The following PDE8A variants were observed in gnomAD, a reference collection of about 807,000 sequenced individuals.
PDE8A encodes phosphodiesterase 8A.
PDE8A carries 59 observed loss-of-function variants against 105.0 expected under a neutral mutation model. The ratio of observed to expected loss-of-function variants is 0.56; its 90% CI spans 0.46 to 0.70. The LOEUF is 0.70. Ranked by LOEUF, PDE8A falls within the 30% of genes least tolerant of loss-of-function variation. The probability of loss-of-function intolerance (pLI) is 0.00; values close to 1 mark genes in which losing one functional copy is unlikely to be tolerated. For synonymous variants in PDE8A, 355 were observed against 371.9 expected (o/e 0.95, Z 0.52); for missense variants, 1,014 against 1,045.9 (o/e 0.97, Z 0.42).
chr15:85,031,636 A>G (rs2080616947), intron 1 of PDE8A, among the ~76,000 whole-genome samples: 1 of 152,158 alleles, frequency 6.6e-6, no homozygotes. Context: ...TGTGACTGAC[A>G]AGTAGATTAA....
At chr15:85,000,555 G>A (rs1439913199) in intron 1 of PDE8A, among the ~76,000 whole-genome samples, 3 of 152,206 alleles carry the variant, frequency 2.0e-5, no homozygotes. Context: ...TAGGCTGGCT[G>A]GAGGTGGTCT....
intron 1 of PDE8A, among the ~76,000 whole-genome samples, chr15:84,988,951 C>T (rs960355967): frequency 6.6e-6 from 1 of 152,352 alleles, no homozygotes; most frequent in African/African-American, 2.4e-5. Context: ...GAGTCTATCT[C>T]ACCTTGTTTA....
chr15:85,059,153 G>A (rs1481706897), intron 1 of PDE8A, among the ~76,000 whole-genome samples: 1 of 152,102 alleles, frequency 6.6e-6, no homozygotes, highest in Non-Finnish European at 1.5e-5. Context: ...AGTTAAGATT[G>A]TGTTGTTTAA....
chr15:85,134,967 A>T (rs1438771883), intron 20 of PDE8A, among the ~76,000 whole-genome samples: 1 of 152,192 alleles, frequency 6.6e-6, no homozygotes, highest in Non-Finnish European at 1.5e-5. Flanking sequence ...AGCTCCACGC[A>T]AGTGCCGGAG....
chr15:85,034,285 C>G (rs1178560742), intron 1 of PDE8A, among the ~76,000 whole-genome samples: 1 of 151,962 alleles, frequency 6.6e-6, no homozygotes, highest in Non-Finnish European at 1.5e-5. Flanking sequence ...TGTTAGAAAT[C>G]AAGAAAGAAT....
At chr15:85,085,162 T>A (rs1204176559) in intron 6 of PDE8A, among the ~76,000 whole-genome samples, 1 of 152,212 alleles carries the variant, frequency 6.6e-6, no homozygotes, top group African/African-American at 2.4e-5. Flanking sequence ...AGGGTCTCCA[T>A]GGTCTGTACA....
intron 8 of PDE8A, among the ~76,000 whole-genome samples, chr15:85,097,365 G>A (rs2081773297): frequency 6.6e-6 from 1 of 152,184 alleles, no homozygotes; most frequent in African/African-American, 2.4e-5. Flanking sequence ...TGTCTGATCA[G>A]GAGAGCACAG....
intron 21 of PDE8A, 54 bp downstream of exon 21, chr15:85,136,717 G>A (rs1001816592): frequency 4.5e-5 from 70 of 1,539,072 alleles, no homozygotes; most frequent in African/African-American, 1.1e-4. Context: ...GGGGAACCGC[G>A]TATGAAAGAG....
intron 1 of PDE8A, among the ~76,000 whole-genome samples, chr15:84,985,662 G>T (rs189652213): frequency 1.2e-4 from 19 of 152,318 alleles, no homozygotes; most frequent in Admixed American, 7.8e-4. Context: ...AGTCATGTTT[G>T]TTTTGTTCAC....
At chr15:85,129,696 C>A (rs1291503035) in intron 20 of PDE8A, among the ~76,000 whole-genome samples, 3 of 151,892 alleles carry the variant, frequency 2.0e-5, no homozygotes, top group African/African-American at 7.3e-5. Context: ...TCTCTATATA[C>A]CTCTGTTCTT....
intron 1 of PDE8A, among the ~76,000 whole-genome samples, chr15:84,993,259 C>T (rs4843014): frequency 0.21 from 32,475 of 151,170 alleles, 3,693 homozygotes; most frequent in African/African-American, 0.26. Flanking sequence ...CTGGCTAACA[C>T]GGTGAAACCC....
chr15:85,122,365 A>T (rs923990980), intron 18 of PDE8A, among the ~76,000 whole-genome samples: 4 of 152,232 alleles, frequency 2.6e-5, no homozygotes, highest in African/African-American at 9.6e-5. Context: ...AATACTTATT[A>T]ATATGGATTT....
At chr15:85,102,350 T>G (rs1022550760) in intron 11 of PDE8A, among the ~76,000 whole-genome samples, 4 of 152,170 alleles carry the variant, frequency 2.6e-5, no homozygotes, top group African/African-American at 9.6e-5. Context: ...AACTTGTGCT[T>G]TGCATTCAAG....
intron 3 of PDE8A, among the ~76,000 whole-genome samples, chr15:85,071,514 C>G (rs1298044694): frequency 6.6e-6 from 1 of 152,248 alleles, no homozygotes; most frequent in African/African-American, 2.4e-5. Context: ...TCTCCACATA[C>G]TGCAGTTTCA....
chr15:85,136,513 A>G (rs766033535), intron 20 of PDE8A, 21 bp from the exon 21 acceptor site: 2 of 1,607,400 alleles, frequency 1.2e-6, no homozygotes, highest in South Asian at 1.1e-5. Context: ...GGGTCTCCTG[A>G]TCACATTTTC....
At chr15:85,067,787 A>T (rs1250246288) in intron 3 of PDE8A, among the ~76,000 whole-genome samples, 11 of 152,200 alleles carry the variant, frequency 7.2e-5, no homozygotes, top group South Asian at 2.1e-4. Context: ...ATGGGTTAAA[A>T]ACCGAGGTGA....
chr15:85,063,396 A>G (rs1048341642), intron 1 of PDE8A: 1 of 152,168 alleles, frequency 6.6e-6, no homozygotes, highest in South Asian at 2.1e-4. Flanking sequence ...ATCAACACCT[A>G]CAGAGTCACT....
At chr15:85,000,552 G>A (rs571744226) in intron 1 of PDE8A, among the ~76,000 whole-genome samples, 3 of 134,744 alleles carry the variant, frequency 2.2e-5, no homozygotes, top group African/African-American at 7.5e-5. Flanking sequence ...ATGTAGGCTG[G>A]CTGGAGGTGG....
intron 12 of PDE8A, among the ~76,000 whole-genome samples, chr15:85,111,082 T>A (rs903121806): frequency 2.6e-5 from 4 of 152,216 alleles, no homozygotes; most frequent in Non-Finnish European, 4.4e-5. Context: ...GGGTTGTATA[T>A]CTTGTTGGTT....
Sources: gnomAD v4.1 joint callset for allele counts (sites outside exome capture counted in the v4.1 genomes callset) on GRCh38, gnomAD v4.1.1 for gene constraint, MANE v1.5 for transcripts, NCBI Gene and HGNC (gene_info 2026-07-23, HGNC 2026-07-21) for gene names.